Variants in GSG1L observed in about 807,000 individuals in gnomAD.
GSG1L encodes the protein GSG1 like.
GSG1L carries 24 observed loss-of-function variants against 42.1 expected under a neutral mutation model. That is an observed-to-expected ratio of 0.57 (90% CI 0.41 to 0.80). The LOEUF (loss-of-function observed/expected upper bound fraction) is 0.80. GSG1L is among the 30% of genes least tolerant of loss of function. The probability of loss-of-function intolerance (pLI) is 0.00; values close to 1 mark genes in which losing one functional copy is unlikely to be tolerated. For synonymous variants in GSG1L, 215 were observed against 203.5 expected (o/e 1.06, Z -0.48); for missense variants, 445 against 472.2 (o/e 0.94, Z 0.53).
chr16:27,852,808 G>C (rs190739681), intron 3 of GSG1L, among the ~76,000 whole-genome samples: 1 of 152,192 alleles, frequency 6.6e-6, no homozygotes, highest in Non-Finnish European at 1.5e-5. Flanking sequence ...GAACAGGCGA[G>C]AGGAGCAGGA....
At chr16:27,859,456 G>C (rs2083616796) in intron 3 of GSG1L, among the ~76,000 whole-genome samples, 1 of 152,200 alleles carries the variant, frequency 6.6e-6, no homozygotes, top group Admixed American at 6.5e-5. Context: ...GCTCCATCAG[G>C]GTAAGCAGCT....
At chr16:28,006,295 TTTTA>T (rs55673236) in intron 1 of GSG1L, among the ~76,000 whole-genome samples, 4,270 of 149,056 alleles carry the variant, frequency 0.029, 198 homozygotes, top group African/African-American at 0.097. Context: ...CTTGATTGTA[TTTTA>T]TTTATTTATT....
chr16:27,981,870 A>G (rs925978668), intron 1 of GSG1L, among the ~76,000 whole-genome samples: 3 of 152,198 alleles, frequency 2.0e-5, no homozygotes, highest in Non-Finnish European at 4.4e-5. Context: ...TAAATGTAAG[A>G]GATTTAAACT....
chr16:27,989,888 T>C (rs1167946087), intron 1 of GSG1L, among the ~76,000 whole-genome samples: 1 of 152,222 alleles, frequency 6.6e-6, no homozygotes, highest in African/African-American at 2.4e-5. Context: ...TGTCTTGGTA[T>C]ATGCAGTTAA....
At chr16:27,835,965 C>G (rs1267297294) in intron 4 of GSG1L, among the ~76,000 whole-genome samples, 1 of 152,078 alleles carries the variant, frequency 6.6e-6, no homozygotes, top group South Asian at 2.1e-4. Flanking sequence ...ATTCAAAACC[C>G]CTTTTTAAAA....
At chr16:27,895,144 G>T (rs1008233496) in intron 2 of GSG1L, among the ~76,000 whole-genome samples, 1 of 152,028 alleles carries the variant, frequency 6.6e-6, no homozygotes, top group Admixed American at 6.5e-5. Context: ...GTCTTGTTTG[G>T]CCCACACAGT....
At chr16:27,987,655 AGGATACTTGT>A (rs1409061629) in intron 1 of GSG1L, among the ~76,000 whole-genome samples, 1 of 152,152 alleles carries the variant, frequency 6.6e-6, no homozygotes, top group African/African-American at 2.4e-5. Context: ...GACGTTAGAA[AGGATACTTGT>A]GGGCTGGTCG....
chr16:28,034,451 G>T (rs1358616453), intron 1 of GSG1L, among the ~76,000 whole-genome samples: 1 of 152,172 alleles, frequency 6.6e-6, no homozygotes, highest in Non-Finnish European at 1.5e-5. Flanking sequence ...TGAAGAAAAA[G>T]GTAGCGGGGC....
Position 27,856,161 on chromosome 16 carries a change from C to G in GSG1L, c.551-11100G>C, listed in dbSNP as rs370702006. Among the ~76,000 whole-genome samples the G allele has an allele frequency of 8.5e-5, 13 of 152,188 alleles. No homozygotes were observed. The South Asian group carries it at 1.2e-3, about 15-fold the overall frequency. ...TACCAGATGCCAGGAATGTGCACCC[C>G]CCCCCATCCCCACATACCCCAGTCA... On this transcript the variant is annotated intron_variant, in intron 3 of 6. Coordinates refer to ENST00000447459, the MANE Select transcript of GSG1L (RefSeq NM_001109763.2).
chr16:28,045,115 CTCTG>C (rs1249635573), intron 1 of GSG1L, among the ~76,000 whole-genome samples: 1 of 152,150 alleles, frequency 6.6e-6, no homozygotes, highest in Admixed American at 6.5e-5. Flanking sequence ...AGTGAAACGA[CTCTG>C]TCTGATACTA....
chr16:27,902,537 C>T (rs577006837), intron 2 of GSG1L, among the ~76,000 whole-genome samples: 4 of 151,876 alleles, frequency 2.6e-5, no homozygotes, highest in African/African-American at 7.2e-5. Context: ...ACGGGAGGTT[C>T]GCCCAAGCTT....
intron 2 of GSG1L, among the ~76,000 whole-genome samples, chr16:27,946,584 AGAGAGAGAGAGAGAGAGAGAG>A (rs2084865620): frequency 1.3e-4 from 3 of 22,766 alleles, no homozygotes; most frequent in African/African-American, 6.2e-4. Flanking sequence ...AAAGAAAGAG[AGAGAGAGAGAGAGAGAGAGAG>A]AGAGAGAGAG....
chr16:28,032,189 A>G (rs1196494229), intron 1 of GSG1L, among the ~76,000 whole-genome samples: 1 of 152,202 alleles, frequency 6.6e-6, no homozygotes, highest in African/African-American at 2.4e-5. Context: ...ACATGATGGG[A>G]AACCCAGAAA....
At chr16:28,032,103 C>T (rs572320708) in intron 1 of GSG1L, among the ~76,000 whole-genome samples, 9 of 152,292 alleles carry the variant, frequency 5.9e-5, no homozygotes, top group Admixed American at 5.9e-4. Flanking sequence ...AGAGACAGCT[C>T]CGGCTCTTTT....
At chr16:27,994,665 T>C (rs1305104171) in intron 1 of GSG1L, among the ~76,000 whole-genome samples, 1 of 152,220 alleles carries the variant, frequency 6.6e-6, no homozygotes, top group South Asian at 2.1e-4. Context: ...CATTCATTTT[T>C]GTAAGAAGAC....
At chr16:28,024,042 A>C (rs1257599866) in intron 1 of GSG1L, among the ~76,000 whole-genome samples, 1 of 152,170 alleles carries the variant, frequency 6.6e-6, no homozygotes, top group African/African-American at 2.4e-5. Flanking sequence ...AAAATAAAGA[A>C]AAGAAAAAAA....
At chr16:27,800,634 T>C (rs1597458718) in intron 6 of GSG1L, among the ~76,000 whole-genome samples, 3 of 152,106 alleles carry the variant, frequency 2.0e-5, no homozygotes. Flanking sequence ...AAAAAAAAAT[T>C]ATAGCCAAAT....
rs757945227 is a variant in GSG1L, at chr16:27,923,749, G to GAAGA, written c.398-39115_398-39112dup. On this transcript the variant is annotated intron_variant, in intron 2 of 6. Coordinates refer to ENST00000447459, the MANE Select transcript of GSG1L (RefSeq NM_001109763.2). ...ACTCTGTCAAGAAAAAAAAAAAAAG[G>GAAGA]AAGAAAGAAAGAAAGAAAGAAAGAG... Among the ~76,000 whole-genome samples the GAAGA allele has an allele frequency of 2.7e-3, 370 of 138,662 alleles. 1 individual carries two copies. The highest frequency in any genetic ancestry group is 7.9e-3 in the South Asian group (36 of 4,542). 91.0% of individuals were successfully genotyped at this position (138,662 alleles called of 152,430 possible).
intron 3 of GSG1L, among the ~76,000 whole-genome samples, chr16:27,881,034 C>T (rs2083946848): frequency 6.6e-6 from 1 of 152,046 alleles, no homozygotes; most frequent in African/African-American, 2.4e-5. Context: ...CGAGGGATCT[C>T]CCAGGTCAGG....
Sources: allele counts gnomAD v4.1 joint callset (sites outside exome capture counted in the v4.1 genomes callset), GRCh38; gene constraint gnomAD v4.1.1; transcripts MANE v1.5; gene names NCBI Gene and HGNC (gene_info 2026-07-23, HGNC 2026-07-21).